Variants in PI4K2B observed in about 807,000 individuals in gnomAD.
PI4K2B encodes the protein phosphatidylinositol 4-kinase type 2 beta, also known as phosphatidylinositol 4-kinase type 2-beta.
A neutral mutation model predicts 56.6 loss-of-function variants in PI4K2B; 46 were observed. That is an observed-to-expected ratio of 0.81 (90% CI 0.64 to 1.04). The LOEUF (loss-of-function observed/expected upper bound fraction) is 1.04, where lower values mean the gene tolerates loss of function less well. PI4K2B is among the 50% of genes least tolerant of loss of function. The probability of loss-of-function intolerance (pLI) is 0.00; values close to 1 mark genes in which losing one functional copy is unlikely to be tolerated. For missense variants in PI4K2B, 556 were observed against 607.7 expected, an observed-to-expected ratio of 0.91 and a Z score of 0.89; for synonymous variants, 211 against 223.8, an observed-to-expected ratio of 0.94 and a Z score of 0.51.
At position 25,260,610 on chromosome 4, in the gene PI4K2B, TTATATA is replaced by T. The variant is rs533544057; in HGVS notation, c.978+46_978+51del. 1,570 of 306,114 alleles carry T rather than the reference TTATATA, an allele frequency of 5.1e-3. 2 individuals carry two copies. Among genetic ancestry groups the T allele is most frequent in the African/African-American group, 6.6e-3 (265 of 40,234 alleles). 19.0% of individuals were successfully genotyped at this position (306,114 alleles called of 1,614,324 possible). A position where few individuals can be genotyped will look rare whatever the true frequency, so the allele number is the denominator to read the frequency against. On this transcript the variant is annotated intron_variant, in intron 6 of 9. Transcript: ENST00000264864. ...CCATAAGGTAAGGAAATTTACAATT[TTATATA>T]TATATATATATATATATATATATAT...
At chr4:25,263,689 T>G (rs1716561430) in intron 6 of PI4K2B, 61 bp from the exon 7 acceptor site, 2 of 639,422 alleles carry the variant, frequency 3.1e-6, no homozygotes, top group African/African-American at 3.8e-5. Context: ...TATAAATAAT[T>G]TATCCTTTGG....
chr4:25,261,211 C>T (rs1313062131), intron 6 of PI4K2B, among the ~76,000 whole-genome samples: 1 of 152,092 alleles, frequency 6.6e-6, no homozygotes, highest in East Asian at 1.9e-4. Context: ...TGAGTCCTTT[C>T]ATTCAGTATT....
At chr4:25,248,966 G>A (rs760270165) in intron 1 of PI4K2B, among the ~76,000 whole-genome samples, 36 of 151,882 alleles carry the variant, frequency 2.4e-4, no homozygotes, top group Non-Finnish European at 4.3e-4. Context: ...GCCGCCTTCC[G>A]CAGTGTTTGT....
At position 25,277,068 on chromosome 4, in the gene PI4K2B, C is replaced by CAGAT; in HGVS notation, c.1329_1332dup (p.Pro445AspfsTer56). 6.2e-7 allele frequency: 1 copy of CAGAT among 1,613,304 alleles called. No homozygotes were observed. Among genetic ancestry groups the CAGAT allele is most frequent in the Non-Finnish European group, 8.5e-7 (1 of 1,179,412 alleles). Reference sequence around the variant, plus strand: ...CGGGAAGAGTCCTTTCCAGCTAGTACAGATACCTTGTGTGATTGTGGAACG... The same window carrying CAGAT: ...CGGGAAGAGTCCTTTCCAGCTAGTACAGATAGATACCTTGTGTGATTGTGGAACG... On this transcript the variant is annotated frameshift_variant, in exon 10 of 10. Transcript: ENST00000264864. LOFTEE classifies it high-confidence loss of function.
At chr4:25,243,720 C>T (rs578112771) in intron 1 of PI4K2B, among the ~76,000 whole-genome samples, 220 of 152,302 alleles carry the variant, frequency 1.4e-3, no homozygotes, top group African/African-American at 5.1e-3. Flanking sequence ...CGTAGCCGCT[C>T]GAGGAAGGCA....
At chr4:25,257,539 AC>A (rs1273843736) in intron 4 of PI4K2B, among the ~76,000 whole-genome samples, 1 of 152,186 alleles carries the variant, frequency 6.6e-6, no homozygotes, top group Non-Finnish European at 1.5e-5. Context: ...TTTTCTTATC[AC>A]CTTTAAGTAA....
chr4:25,276,577 G>A (rs1003262258), intron 9 of PI4K2B: 3 of 836,306 alleles, frequency 3.6e-6, no homozygotes, highest in Middle Eastern at 6.0e-4. Flanking sequence ...GCAGAACCTC[G>A]CACATAGTAG....
At position 25,277,248 on chromosome 4, in the gene PI4K2B, T is replaced by C; in HGVS notation, c.*61T>C. On this transcript the variant is annotated 3_prime_UTR_variant, in exon 10 of 10. Coordinates refer to ENST00000264864, the MANE Select transcript of PI4K2B (RefSeq NM_018323.4). ...TTATCATGTTTTTAAAACATCATAG[T>C]AATATAAATCTGCTGTTAGGAGCTC... 1 of 1,511,646 alleles carries C rather than the reference T, an allele frequency of 6.6e-7. No individual in the cohort carries two copies. Among genetic ancestry groups the C allele is most frequent in the Non-Finnish European group, 8.9e-7 (1 of 1,118,278 alleles). 93.6% of individuals were successfully genotyped at this position (1,511,646 alleles called of 1,614,324 possible). A position where few individuals can be genotyped will look rare whatever the true frequency, so the allele number is the denominator to read the frequency against.
chr4:25,245,003 G>T (rs937241288), intron 1 of PI4K2B, among the ~76,000 whole-genome samples: 2 of 152,176 alleles, frequency 1.3e-5, no homozygotes, highest in Non-Finnish European at 2.9e-5. Context: ...AGGGAGGGAA[G>T]GGATCTCCAG....
At position 25,268,545 on chromosome 4, in the gene PI4K2B, A is replaced by C. The variant is rs1420003037; in HGVS notation, c.1181A>C (p.Asp394Ala). 1 of 1,588,598 alleles carries C rather than the reference A, an allele frequency of 6.3e-7. No individual in the cohort carries two copies. Among genetic ancestry groups the C allele is most frequent in the African/African-American group, 1.4e-5 (1 of 73,962 alleles). Residue 394 changes from aspartate (D) to alanine (A), a missense_variant, in exon 8 of 10, where the codon GAT becomes GCT. Physicochemically the swap from Asp to Ala is moderately radical, Grantham distance 126. Coordinates refer to ENST00000264864, the MANE Select transcript of PI4K2B (RefSeq NM_018323.4). ...PYISDMNFVQ[D>A]LCEDLYELFK... ...ATTTCTGACATGAACTTTGTGCAAG[A>C]TTTATGTGAAGATCTCTATGAACTT...
At chr4:25,251,806 ATGT>A (rs386356765) in intron 1 of PI4K2B, among the ~76,000 whole-genome samples, 18 of 117,800 alleles carry the variant, frequency 1.5e-4, no homozygotes, top group African/African-American at 4.7e-4. Flanking sequence ...ACTTCCTCCC[ATGT>A]TGTTGTTGTT....
intron 9 of PI4K2B, 149 bp from the exon 10 acceptor site, chr4:25,276,865 C>T: frequency 7.5e-7 from 1 of 1,327,570 alleles, no homozygotes; most frequent in Non-Finnish European, 9.7e-7. Context: ...TCATATAATA[C>T]ATATTTATAA....
chr4:25,263,411 A>G (rs1560377233), intron 6 of PI4K2B, among the ~76,000 whole-genome samples: 1 of 152,220 alleles, frequency 6.6e-6, no homozygotes, highest in Non-Finnish European at 1.5e-5. Context: ...GTAATATTTT[A>G]CATCATACAT....
intron 1 of PI4K2B, 40 bp from the exon 2 acceptor site, chr4:25,252,281 T>C (rs763715094): frequency 4.0e-6 from 6 of 1,502,308 alleles, no homozygotes; most frequent in Non-Finnish European, 5.5e-6. Flanking sequence ...CAGGTCCATA[T>C]CATGAGCATT....
chr4:25,252,390 C>G lies in PI4K2B; in HGVS notation c.338C>G (p.Ala113Gly), dbSNP rs768015752. 1.3e-5 allele frequency: 21 copies of G among 1,606,286 alleles called. No individual in the cohort carries two copies. Among genetic ancestry groups the G allele is most frequent in the Admixed American group, 1.7e-5 (1 of 59,980 alleles). Residue 113 changes from alanine to glycine, a missense_variant, in exon 2 of 10, where the codon GCA becomes GGA. Physicochemically the swap from Ala to Gly is moderately conservative, Grantham distance 60. Transcript: ENST00000264864. ...DPEFADIMLR[A>G]EQAIEVGIFP... ...GAATTTGCCGATATTATGCTGAGAG[C>G]AGAGCAAGCAATAGAAGTTGGAATT...
intron 9 of PI4K2B, 77 bp downstream of exon 9, chr4:25,269,280 C>A (rs1577697705): frequency 3.8e-6 from 3 of 797,830 alleles, no homozygotes; most frequent in Non-Finnish European, 4.3e-6. Flanking sequence ...CCACTGTGAT[C>A]TGGAGATGGA....
chr4:25,276,640 C>T lies in PI4K2B; in HGVS notation c.1273-374C>T, dbSNP rs2109028399. 3 of 983,342 alleles carry T rather than the reference C, an allele frequency of 3.1e-6. No homozygotes were observed. In the East Asian group the frequency reaches 3.4e-4, roughly 112 times the overall value. 60.9% of individuals were successfully genotyped at this position (983,342 alleles called of 1,614,324 possible). A position where few individuals can be genotyped will look rare whatever the true frequency, so the allele number is the denominator to read the frequency against. ...GATAAGGCAAGTATTTAGTTAAAAC[C>T]AGACTGTTTAAACCAGTATTTGTTG... On this transcript the variant is annotated intron_variant, in intron 9 of 9. Coordinates refer to ENST00000264864, the MANE Select transcript of PI4K2B (RefSeq NM_018323.4).
At chr4:25,268,073 G>A (rs895732477) in intron 7 of PI4K2B, among the ~76,000 whole-genome samples, 1 of 152,134 alleles carries the variant, frequency 6.6e-6, no homozygotes, top group Non-Finnish European at 1.5e-5. Flanking sequence ...GTGACACAGT[G>A]AGACCCATTA....
chr4:25,272,074 G>A (rs576899123), intron 9 of PI4K2B, among the ~76,000 whole-genome samples: 1 of 151,944 alleles, frequency 6.6e-6, no homozygotes, highest in Admixed American at 6.6e-5. Flanking sequence ...CCCCAGAGGT[G>A]GGGGAGACTG....
Sources: gnomAD v4.1 joint callset for allele counts (sites outside exome capture counted in the v4.1 genomes callset) on GRCh38, gnomAD v4.1.1 for gene constraint, MANE v1.5 for transcripts, NCBI Gene and HGNC (gene_info 2026-07-23, HGNC 2026-07-21) for gene names.